Variants in GPHN observed in about 807,000 individuals in gnomAD.
GPHN encodes the protein gephyrin.
GPHN carries 17 observed loss-of-function variants against 95.5 expected under a neutral mutation model. The observed-to-expected ratio is 0.18, with a 90% CI of 0.12 to 0.27. The LOEUF is 0.27. Among genes scored for constraint, GPHN ranks in the 10% least tolerant of loss-of-function variants. The probability of loss-of-function intolerance (pLI) is 1.00; values close to 1 mark genes in which losing one functional copy is unlikely to be tolerated. For missense variants in GPHN, 660 were observed against 978.1 expected, an observed-to-expected ratio of 0.67 and a Z score of 4.34; for synonymous variants, 320 against 322.5, an observed-to-expected ratio of 0.99 and a Z score of 0.08.
the GPHN span, chr14:67,332,994 G>C: frequency 1.3e-6 from 2 of 1,568,994 alleles, no homozygotes; most frequent in Non-Finnish European, 1.7e-6. Flanking sequence ...GACTTGATCT[G>C]GCAAAAACTG....
the GPHN span, among the ~76,000 whole-genome samples, chr14:67,240,255 G>A: frequency 2.0e-5 from 3 of 152,178 alleles, no homozygotes; most frequent in Non-Finnish European, 2.9e-5. Flanking sequence ...CTTCGTTCAG[G>A]CCATCACAGT....
the GPHN span, among the ~76,000 whole-genome samples, chr14:67,289,768 C>CTTTT: frequency 2.8e-4 from 27 of 95,466 alleles, 4 homozygotes; most frequent in Non-Finnish European, 4.1e-4. Context: ...TTTTCCATGT[C>CTTTT]CTTTTTTTTT....
chr14:67,573,507 T>C, the GPHN span: 1 of 708,230 alleles, frequency 1.4e-6, no homozygotes, highest in Non-Finnish European at 2.4e-6. This position sits in a 1 kb window ranked among gnomAD's most constrained non-coding sequence, Gnocchi z 4.8. Flanking sequence ...GTCTGGCAGG[T>C]GGGGAGAGGC....
At chr14:66,954,367 C>G (rs1012069131) in intron 8 of GPHN, among the ~76,000 whole-genome samples, 1 of 152,110 alleles carries the variant, frequency 6.6e-6, no homozygotes, top group Non-Finnish European at 1.5e-5. Context: ...ATTTACTCTG[C>G]ATATTTTATT....
At chr14:67,093,432 A>C (rs2153671570) in intron 12 of GPHN, among the ~76,000 whole-genome samples, 1 of 152,134 alleles carries the variant, frequency 6.6e-6, no homozygotes, top group South Asian at 2.1e-4. Flanking sequence ...CTTTTGTTGT[A>C]TCCATTTGAA....
chr14:66,509,465 A>T lies in GPHN; in HGVS notation c.64+874A>T, dbSNP rs188700470. ...CTCGCGAAAGCCGTGTGTGTTCTGC[A>T]TGTCTGATTCCGTTGCGCTGAATTT... On this transcript the variant is annotated intron_variant, in intron 1 of 22. Coordinates refer to ENST00000478722, the MANE Select transcript of GPHN (RefSeq NM_020806.5). The T allele has an allele frequency of 3.6e-3, 544 of 152,280 alleles. 1 individual carries two copies. The highest frequency in any genetic ancestry group is 5.0e-3 in the Non-Finnish European group (343 of 68,036). 9.4% of individuals were successfully genotyped at this position (152,280 alleles called of 1,614,324 possible).
At chr14:66,728,556 G>A (rs1055213105) in intron 2 of GPHN, among the ~76,000 whole-genome samples, 7 of 152,200 alleles carry the variant, frequency 4.6e-5, no homozygotes, top group Admixed American at 2.6e-4. Context: ...GTGAGACCTG[G>A]AGTCAAAGGA....
intron 1 of GPHN, among the ~76,000 whole-genome samples, chr14:66,667,085 C>T (rs972926008): frequency 2.6e-5 from 4 of 152,042 alleles, no homozygotes; most frequent in East Asian, 1.9e-4. Flanking sequence ...AACAACAAAG[C>T]GAAAGATCTC....
chr14:67,681,833 T>A, the GPHN span, among the ~76,000 whole-genome samples: 1 of 152,176 alleles, frequency 6.6e-6, no homozygotes, highest in African/African-American at 2.4e-5. Flanking sequence ...GCTACAACTA[T>A]AAGACTATTA....
At chr14:67,089,132 T>TA in intron 12 of GPHN, 57 bp downstream of exon 12, 26 of 449,576 alleles carry the variant, frequency 5.8e-5, no homozygotes, top group Middle Eastern at 5.6e-4. Context: ...TTTCTTTTTT[T>TA]CTTTTTTTTT....
intron 9 of GPHN, among the ~76,000 whole-genome samples, chr14:66,990,053 G>A (rs1487070930): frequency 6.6e-6 from 1 of 152,106 alleles, no homozygotes. Context: ...AGTTCCACAT[G>A]GTTTGAGAGG....
chr14:66,912,339 T>G (rs2065711728), intron 5 of GPHN, among the ~76,000 whole-genome samples: 1 of 152,100 alleles, frequency 6.6e-6, no homozygotes, highest in Admixed American at 6.6e-5. Flanking sequence ...TTTTCCTTCC[T>G]TATAGAAGCC....
chr14:67,542,254 A>AC, the GPHN span, among the ~76,000 whole-genome samples: 3 of 152,152 alleles, frequency 2.0e-5, no homozygotes, highest in African/African-American at 7.2e-5. Flanking sequence ...TTCCGGAGTC[A>AC]CCTGTGGCTG....
chr14:67,042,191 A>G (rs113125771), intron 10 of GPHN, among the ~76,000 whole-genome samples: 2 of 151,366 alleles, frequency 1.3e-5, no homozygotes, highest in African/African-American at 4.8e-5. Flanking sequence ...TAGTTTCTAA[A>G]TTTTTTAGTT....
At chr14:67,578,531 C>T in the GPHN span, 1 of 1,601,742 alleles carries the variant, frequency 6.2e-7, no homozygotes. This position sits in a 1 kb window ranked among gnomAD's most constrained non-coding sequence, Gnocchi z 5.0. Context: ...GTGTCCCTGG[C>T]AGTGCTGGCA....
At chr14:67,580,972 T>C in the GPHN span, 32 of 1,613,380 alleles carry the variant, frequency 2.0e-5, no homozygotes, top group Non-Finnish European at 2.6e-5. Context: ...GAACAAGCCA[T>C]GAAGGAGCTG....
chr14:67,535,460 A>T, the GPHN span, among the ~76,000 whole-genome samples: 1 of 142,576 alleles, frequency 7.0e-6, no homozygotes, highest in Non-Finnish European at 1.5e-5. Flanking sequence ...AGCTCACTAC[A>T]ACCTCCGCCT....
chr14:67,555,169 T>G, the GPHN span, among the ~76,000 whole-genome samples: 111 of 152,318 alleles, frequency 7.3e-4, 1 homozygote, highest in African/African-American at 2.5e-3. Context: ...CTTCCCGCCT[T>G]AGGCTTCCAA....
At chr14:66,914,451 CA>C (rs1463503195) in intron 5 of GPHN, among the ~76,000 whole-genome samples, 1 of 152,012 alleles carries the variant, frequency 6.6e-6, no homozygotes, top group Non-Finnish European at 1.5e-5. Context: ...GATAAAATTA[CA>C]AAAATCCCAG....
Sources: gnomAD v4.1 joint callset for allele counts (sites outside exome capture counted in the v4.1 genomes callset) on GRCh38, gnomAD v4.1.1 for gene constraint, Gnocchi (gnomAD v3.1) non-coding constraint, MANE v1.5 for transcripts, NCBI Gene and HGNC (gene_info 2026-07-23, HGNC 2026-07-21) for gene names.